BMPR2: variants seen among roughly 807,000 people sequenced by gnomAD.
BMPR2 encodes bone morphogenetic protein receptor type-2.
A neutral mutation model predicts 100.8 loss-of-function variants in BMPR2; 29 were observed. That is an observed-to-expected ratio of 0.29 (90% confidence interval 0.21 to 0.39). BMPR2 has a LOEUF of 0.39. Ranked by LOEUF, BMPR2 falls within the 10% of genes least tolerant of loss-of-function variation. The pLI is 1.00. For missense variants in BMPR2, 1,011 were observed against 1,274.5 expected (o/e 0.79, Z 3.15); for synonymous variants, 382 against 442.3 (o/e 0.86, Z 1.71).
At chr2:202,470,884 T>C (rs575892479) in intron 3 of BMPR2, among the ~76,000 whole-genome samples, 20 of 150,266 alleles carry the variant, frequency 1.3e-4, no homozygotes, top group Admixed American at 4.0e-4. Flanking sequence ...CTGGGCAACA[T>C]AGACCTTATC....
intron 9 of BMPR2, among the ~76,000 whole-genome samples, chr2:202,540,892 G>C (rs1688256586): frequency 6.6e-6 from 1 of 151,982 alleles, no homozygotes; most frequent in African/African-American, 2.4e-5. Context: ...GTGGGAGGAC[G>C]GGTAAAGAGA....
chr2:202,491,568 C>T (rs931811184), intron 3 of BMPR2, among the ~76,000 whole-genome samples: 1 of 152,030 alleles, frequency 6.6e-6, no homozygotes, highest in Admixed American at 6.6e-5. Context: ...GGATTACAGG[C>T]ACCCACCACT....
In BMPR2 at chr2:202,495,770, C is replaced by T. The variant is rs1329225948; in HGVS notation, c.419-17949C>T. Among the ~76,000 whole-genome samples the T allele has an allele frequency of 1.4e-4, 21 of 152,130 alleles. No homozygotes were observed. The highest frequency in any genetic ancestry group is 1.4e-3 in the Admixed American group (21 of 15,266). ...TGTTTTAAAACTTTTTTCATTCTCT[C>T]CAATATATGAATTAATAATCCATTT... is the stretch of plus-strand genomic sequence containing the variant. On this transcript the variant is annotated intron_variant, in intron 3 of 12. Transcript: ENST00000374580. This position sits in a 1 kb window ranked among gnomAD's most constrained non-coding sequence, Gnocchi z 4.5.
At chr2:202,446,279 A>G (rs964009178) in intron 1 of BMPR2, among the ~76,000 whole-genome samples, 1 of 149,986 alleles carries the variant, frequency 6.7e-6, no homozygotes, top group African/African-American at 2.5e-5. Context: ...CATGCCTGTA[A>G]TCCCAGCTAC....
chr2:202,398,420 C>T (rs772350612), intron 1 of BMPR2, among the ~76,000 whole-genome samples: 9 of 152,146 alleles, frequency 5.9e-5, no homozygotes, highest in East Asian at 1.9e-4. Flanking sequence ...TGAAGCAAAT[C>T]GTGTGCTGTT....
At chr2:202,455,205 T>G (rs1692068625) in intron 1 of BMPR2, among the ~76,000 whole-genome samples, 1 of 152,158 alleles carries the variant, frequency 6.6e-6, no homozygotes, top group South Asian at 2.1e-4. Context: ...AAAACAATAC[T>G]AAAAATTCAG....
chr2:202,405,097 A>C (rs534067201), intron 1 of BMPR2, among the ~76,000 whole-genome samples: 1 of 152,248 alleles, frequency 6.6e-6, no homozygotes, highest in African/African-American at 2.4e-5. Flanking sequence ...TGCTGGGATT[A>C]CGGGCACGAG....
chr2:202,477,504 G>A (rs1032804026), intron 3 of BMPR2, among the ~76,000 whole-genome samples: 2 of 151,940 alleles, frequency 1.3e-5, no homozygotes, highest in African/African-American at 4.8e-5. Context: ...AAAAATAAAA[G>A]CTAAGCCGGG....
rs886055489 is a variant in BMPR2, at chr2:202,565,144, A to G, written c.*5198A>G. ...AGTCTGTGTCAGGAAAGTTTTCTTC[A>G]TATCTATTCTGTCTCCCTCCTCTTT... On this transcript the variant is annotated 3_prime_UTR_variant, in exon 13 of 13. Coordinates refer to ENST00000374580, the MANE Select transcript of BMPR2 (RefSeq NM_001204.7). 3 of 152,106 alleles carry G rather than the reference A, an allele frequency of 2.0e-5. No individual in the cohort carries two copies. Among genetic ancestry groups the G allele is most frequent in the Non-Finnish European group, 4.4e-5 (3 of 68,028 alleles). The allele number at this position is 152,106 out of a possible 1,614,324, so 9.4% of individuals were successfully genotyped here. A position where few individuals can be genotyped will look rare whatever the true frequency, so the allele number is the denominator to read the frequency against.
chr2:202,486,508 T>G (rs1444504328), intron 3 of BMPR2, among the ~76,000 whole-genome samples: 1 of 151,886 alleles, frequency 6.6e-6, no homozygotes, highest in African/African-American at 2.4e-5. Flanking sequence ...GGTGCACGCC[T>G]GTAGTCCCAG....
At chr2:202,473,038 A>C (rs1692467806) in intron 3 of BMPR2, among the ~76,000 whole-genome samples, 2 of 152,224 alleles carry the variant, frequency 1.3e-5, no homozygotes, top group African/African-American at 4.8e-5. Flanking sequence ...AATAAAAATA[A>C]TTTTATTTGT....
intron 3 of BMPR2, among the ~76,000 whole-genome samples, chr2:202,469,925 C>T (rs1692401937): frequency 6.6e-6 from 1 of 152,172 alleles, no homozygotes; most frequent in Non-Finnish European, 1.5e-5. Flanking sequence ...CACTCTTGTG[C>T]AAGACGTGAT....
chr2:202,377,695 G>A lies in BMPR2; in HGVS notation c.76+145G>A, dbSNP rs1272981483. ...CGGAGCTGCGACCCGGTGCCTGCGC[G>A]CCTGCCCCATGCCTTCCAGGGAAAT... On this transcript the variant is annotated intron_variant, in intron 1 of 12. Coordinates refer to ENST00000374580, the MANE Select transcript of BMPR2 (RefSeq NM_001204.7). The A allele has an allele frequency of 5.4e-6, 5 of 927,284 alleles. No individual in the cohort carries two copies. In the South Asian group the frequency reaches 5.8e-5, roughly 11 times the overall value. The allele number at this position is 927,284 out of a possible 1,614,324, so 57.4% of individuals were successfully genotyped here.
intron 3 of BMPR2, among the ~76,000 whole-genome samples, chr2:202,494,464 G>A (rs1345072896): frequency 6.6e-6 from 1 of 152,174 alleles, no homozygotes. Context: ...AGTGGCCCCC[G>A]CCTGGCTCCA....
chr2:202,517,375 G>A (rs1337740377), intron 5 of BMPR2, among the ~76,000 whole-genome samples: 6 of 148,112 alleles, frequency 4.1e-5, no homozygotes, highest in African/African-American at 1.5e-4. Flanking sequence ...AGGCTGGAGT[G>A]CAAGGCATGG....
chr2:202,390,708 AATG>A (rs779837751), intron 1 of BMPR2, among the ~76,000 whole-genome samples: 2 of 152,102 alleles, frequency 1.3e-5, no homozygotes, highest in Non-Finnish European at 2.9e-5. Flanking sequence ...GAGCAAAATA[AATG>A]ATATCTTGTT....
chr2:202,538,839 A>G (rs962895705), intron 9 of BMPR2, among the ~76,000 whole-genome samples: 10 of 152,068 alleles, frequency 6.6e-5, no homozygotes, highest in African/African-American at 2.2e-4. Context: ...TGGCAACCAG[A>G]AAGATGAGTT....
intron 9 of BMPR2, among the ~76,000 whole-genome samples, chr2:202,539,419 T>C (rs1292540958): frequency 6.6e-6 from 1 of 152,060 alleles, no homozygotes; most frequent in Non-Finnish European, 1.5e-5. Flanking sequence ...CAGGGCACTC[T>C]TGAAAATTTT....
chr2:202,473,565 C>T (rs756873602), intron 3 of BMPR2, among the ~76,000 whole-genome samples: 7 of 152,010 alleles, frequency 4.6e-5, no homozygotes, highest in Non-Finnish European at 8.8e-5. Context: ...CCAAGGCGGG[C>T]GGCTCACTTG....
Sources: allele counts gnomAD v4.1 joint callset (sites outside exome capture counted in the v4.1 genomes callset), GRCh38; gene constraint gnomAD v4.1.1; non-coding constraint Gnocchi (gnomAD v3.1); transcripts MANE v1.5; gene names NCBI Gene and HGNC (gene_info 2026-07-23, HGNC 2026-07-21).